The following TEX9 variants were observed in gnomAD, a reference collection of about 807,000 sequenced individuals.
TEX9 encodes the protein testis expressed 9, also known as testis-expressed protein 9.
In TEX9, 74 loss-of-function variants were observed where a neutral mutation model predicts 59.6. The observed-to-expected ratio is 1.24, with a 90% CI of 1.03 to 1.51. The LOEUF is 1.51. TEX9 is among the 40% of genes most tolerant of loss of function. The probability of loss-of-function intolerance (pLI) is 0.00; values close to 1 mark genes in which losing one functional copy is unlikely to be tolerated. For synonymous variants in TEX9, 186 were observed against 152.2 expected (o/e 1.22, Z -1.64); for missense variants, 522 against 447.8 (o/e 1.17, Z -1.49).
chr15:56,253,751 G>A (rs1303722466), intron 1 of TEX9, among the ~76,000 whole-genome samples: 1 of 151,872 alleles, frequency 6.6e-6, no homozygotes, highest in Non-Finnish European at 1.5e-5. Flanking sequence ...GTCACTTATC[G>A]CTGCCCAATG....
intron 2 of TEX9, among the ~76,000 whole-genome samples, chr15:56,372,447 G>C (rs576301709): frequency 7.4e-4 from 112 of 152,126 alleles, no homozygotes; most frequent in Admixed American, 1.3e-3. Context: ...GAAGATCCTA[G>C]GTGGTCTAGA....
At position 56,277,734 on chromosome 15, in the gene TEX9, A is replaced by C. The variant is rs959444319; in HGVS notation, c.-107+33456A>C. Among the ~76,000 whole-genome samples, 6 of 152,212 alleles carry C rather than the reference A, an allele frequency of 3.9e-5. No individual in the cohort carries two copies. In the East Asian group the frequency reaches 1.2e-3, roughly 29 times the overall value. ...CATTAGAGAATTAGGTATACCTCAC[A>C]TTACATGGCCAAGGCCAAAAAATTT... is the stretch of plus-strand genomic sequence containing the variant. On this transcript the variant is annotated intron_variant, in intron 1 of 5. Transcript: ENST00000560827.
At chr15:56,409,458 AT>A (rs2049241102) in intron 9 of TEX9, among the ~76,000 whole-genome samples, 1 of 152,028 alleles carries the variant, frequency 6.6e-6, no homozygotes, top group African/African-American at 2.4e-5. Flanking sequence ...CTTTGTCTTC[AT>A]TGTTCTTATT....
At chr15:56,245,979 C>T (rs2043843466) in intron 1 of TEX9, among the ~76,000 whole-genome samples, 1 of 152,074 alleles carries the variant, frequency 6.6e-6, no homozygotes, top group African/African-American at 2.4e-5. Context: ...AGTTGCAACA[C>T]CCTGGGAGGG....
chr15:56,268,468 A>C (rs1380758580), intron 1 of TEX9, among the ~76,000 whole-genome samples: 3 of 152,210 alleles, frequency 2.0e-5, no homozygotes, highest in African/African-American at 7.2e-5. Flanking sequence ...GGTTTGTCGT[A>C]AATAGCTCTT....
At position 56,370,467 on chromosome 15, in the gene TEX9, T is replaced by C. The variant is rs139761049; in HGVS notation, c.120-2974T>C. 1.2e-3 allele frequency among the ~76,000 whole-genome samples: 188 copies of C among 152,366 alleles called. 1 individual carries two copies. Among genetic ancestry groups the C allele is most frequent in the Non-Finnish European group, 1.9e-3 (130 of 68,028 alleles). On this transcript the variant is annotated intron_variant, in intron 2 of 12. Coordinates refer to ENST00000352903, the Ensembl canonical transcript of TEX9. ...AACCTGAGTCTTAAACTCTCCAGTCTTTTTGAAAATTGTTACTTTGCATTT... is the reference window on the plus strand; with the variant it reads ...AACCTGAGTCTTAAACTCTCCAGTCCTTTTGAAAATTGTTACTTTGCATTT...
At chr15:56,362,825 T>C (rs1048870242), upstream of TEX9, among the ~76,000 whole-genome samples, 3 of 152,218 alleles carry the variant, frequency 2.0e-5, no homozygotes, top group African/African-American at 4.8e-5. Flanking sequence ...GTATGTGATC[T>C]TTTGTGAAAG....
At chr15:56,444,501 A>G in intron 12 of TEX9, 1 of 1,611,024 alleles carries the variant, frequency 6.2e-7, no homozygotes, top group Non-Finnish European at 8.5e-7. Flanking sequence ...TTTCTCTTTT[A>G]GCAGCTGCTC....
At chr15:56,431,178 A>C (rs1284938361) in intron 12 of TEX9, among the ~76,000 whole-genome samples, 4 of 152,174 alleles carry the variant, frequency 2.6e-5, no homozygotes, top group African/African-American at 9.7e-5. Flanking sequence ...TACATCTAAT[A>C]ATGTGCTAAG....
chr15:56,327,640 C>A (rs987983442), intron 1 of TEX9, among the ~76,000 whole-genome samples: 3 of 152,152 alleles, frequency 2.0e-5, no homozygotes, highest in Admixed American at 6.5e-5. Context: ...ACCACTCCTC[C>A]CCCATGCCAT....
chr15:56,310,486 T>C (rs1299318631), intron 1 of TEX9, among the ~76,000 whole-genome samples: 9 of 152,184 alleles, frequency 5.9e-5, no homozygotes, highest in Non-Finnish European at 1.3e-4. Context: ...TTCACATCTT[T>C]CTAGGCCAAG....
chr15:56,275,842 G>A (rs1308980167), intron 1 of TEX9, among the ~76,000 whole-genome samples: 1 of 151,726 alleles, frequency 6.6e-6, no homozygotes, highest in East Asian at 1.9e-4. Context: ...TTTTCTTATA[G>A]TGTAGTTCTG....
chr15:56,340,008 A>G (rs1306153780), intron 1 of TEX9, among the ~76,000 whole-genome samples: 2 of 152,116 alleles, frequency 1.3e-5, no homozygotes, highest in Non-Finnish European at 2.9e-5. Context: ...TTCACCTTGT[A>G]TTTTAGAGGC....
At chr15:56,428,181 T>G (rs1413637179) in intron 11 of TEX9, among the ~76,000 whole-genome samples, 186 bp from the exon 12 acceptor site, 2 of 152,096 alleles carry the variant, frequency 1.3e-5, no homozygotes, top group African/African-American at 4.8e-5. Flanking sequence ...TAAAAGTAAG[T>G]TGGTTCAGTA....
intron 9 of TEX9, among the ~76,000 whole-genome samples, chr15:56,409,343 A>G (rs1268046838): frequency 6.6e-6 from 1 of 152,158 alleles, no homozygotes; most frequent in African/African-American, 2.4e-5. Context: ...TGTCCTGCCC[A>G]CTTCTCTTAT....
intron 8 of TEX9, 32 bp downstream of exon 8, chr15:56,394,279 A>C: frequency 6.7e-7 from 1 of 1,498,716 alleles, no homozygotes; most frequent in South Asian, 1.3e-5. Flanking sequence ...AAAGGCTCTA[A>C]TATTCAAAGA....
chr15:56,365,980 A>G, intron 2 of TEX9: 1 of 940,822 alleles, frequency 1.1e-6, no homozygotes, highest in South Asian at 2.4e-5. Flanking sequence ...ATTGCCACGA[A>G]TAGTTAGTTC....
Position 56,394,935 on chromosome 15 carries a change from A to C in TEX9, c.828+101A>C, listed in dbSNP as rs920250452. On this transcript the variant is annotated intron_variant, in intron 9 of 12. Transcript: ENST00000352903. ...GCCATTTTGACAGTTCAGTTATTTTATTAGTATTTACTGAAAACTCTTTCC... is the reference window on the plus strand; with the variant it reads ...GCCATTTTGACAGTTCAGTTATTTTCTTAGTATTTACTGAAAACTCTTTCC... 16 of 1,151,570 alleles carry C rather than the reference A, an allele frequency of 1.4e-5. No individual in the cohort carries two copies. In the African/African-American group the frequency reaches 2.1e-4, roughly 15 times the overall value. The allele number at this position is 1,151,570 out of a possible 1,614,324, so 71.3% of individuals were successfully genotyped here.
At chr15:56,457,009 T>G in the TEX9 span, among the ~76,000 whole-genome samples, 1 of 152,206 alleles carries the variant, frequency 6.6e-6, no homozygotes, top group Non-Finnish European at 1.5e-5. Context: ...ATTCAAGCTT[T>G]CCCAATTGTC....
Sources: gnomAD v4.1 joint callset for allele counts (sites outside exome capture counted in the v4.1 genomes callset) on GRCh38, gnomAD v4.1.1 for gene constraint, MANE v1.5 for transcripts, NCBI Gene and HGNC (gene_info 2026-07-23, HGNC 2026-07-21) for gene names.